PHIP: variants seen among roughly 807,000 people sequenced by gnomAD.
PHIP encodes PHIP subunit of CUL4-Ring ligase complex.
PHIP carries 54 observed loss-of-function variants against 236.8 expected under a neutral mutation model. The observed-to-expected ratio is 0.23, with a 90% CI of 0.18 to 0.29. The LOEUF (loss-of-function observed/expected upper bound fraction) is 0.29, where lower values mean the gene tolerates loss of function less well. PHIP is among the 10% of genes least tolerant of loss of function. The pLI, the probability that PHIP is intolerant of heterozygous loss-of-function variation, is 1.00. For missense variants in PHIP, 1,370 were observed against 2,190.8 expected (o/e 0.63, Z 7.48); for synonymous variants, 756 against 718.9 (o/e 1.05, Z -0.83).
At chr6:79,003,559 G>A (rs1770126633) in intron 16 of PHIP, among the ~76,000 whole-genome samples, 171 bp downstream of exon 16, 1 of 151,828 alleles carries the variant, frequency 6.6e-6, no homozygotes, top group African/African-American at 2.4e-5. Context: ...AGATTTAACT[G>A]CTGTCTTCAC....
intron 36 of PHIP, 39 bp downstream of exon 36, chr6:78,947,584 C>A (rs1773895818): frequency 1.9e-6 from 2 of 1,038,846 alleles, no homozygotes; most frequent in Non-Finnish European, 2.9e-6. Flanking sequence ...ACTCCTCTAA[C>A]TTAATCTAGT....
intron 15 of PHIP, among the ~76,000 whole-genome samples, chr6:79,008,694 T>C (rs1770425551): frequency 6.6e-6 from 1 of 152,160 alleles, no homozygotes; most frequent in Admixed American, 6.5e-5. Flanking sequence ...AAGTAAACTA[T>C]ATACTATAAG....
chr6:79,017,343 T>C lies in PHIP; in HGVS notation c.1136+3A>G. On this transcript the variant is annotated splice_donor_region_variant and intron_variant, in intron 12 of 39. Transcript: ENST00000275034. ...TTAGAATTAAATTAGACAAATATTT[T>C]ACCTGTTACTAGTGTTGGAAAACTG... 1 of 1,471,252 alleles carries C rather than the reference T, an allele frequency of 6.8e-7. No individual in the cohort carries two copies. The highest frequency in any genetic ancestry group is 9.3e-7 in the Non-Finnish European group (1 of 1,076,080). 91.1% of individuals were successfully genotyped at this position (1,471,252 alleles called of 1,614,324 possible).
intron 20 of PHIP, 132 bp from the exon 21 acceptor site, chr6:78,988,481 G>C: frequency 1.7e-6 from 1 of 573,140 alleles, no homozygotes; most frequent in East Asian, 3.1e-5. Flanking sequence ...CCAGCTACTT[G>C]GGAAGATTGC....
At chr6:78,978,755 G>C in intron 23 of PHIP, 44 bp from the exon 24 acceptor site, 1 of 1,481,716 alleles carries the variant, frequency 6.7e-7, no homozygotes, top group South Asian at 1.2e-5. Context: ...AATCAAAAAA[G>C]CATTAATCCA....
chr6:79,031,203 T>C (rs6918296), intron 7 of PHIP, among the ~76,000 whole-genome samples: 140,671 of 152,264 alleles, frequency 0.92, 65,094 homozygotes, highest in East Asian at 1. Flanking sequence ...CTCAGCCTCC[T>C]AAAGTGCTGG....
Position 78,963,270 on chromosome 6 carries a change from A to C in PHIP, c.3380-18T>G. The C allele has an allele frequency of 6.3e-7, 1 of 1,585,978 alleles. No homozygotes were observed. Among genetic ancestry groups the C allele is most frequent in the Non-Finnish European group, 8.6e-7 (1 of 1,167,466 alleles). ...AAATACAGCTGAAATAGAAAAGCAG[A>C]TCATTGCAAATACATGGTAACTTAT... On this transcript the variant is annotated intron_variant, in intron 29 of 39. Transcript: ENST00000275034.
rs560020274 is a variant in PHIP, at chr6:79,014,396, T to C, written c.1524+686A>G. ...CTGAAATAGTGGAAACTGTTTTTTC[T>C]TTTGTTCTTTGTTGAAAGGTATCTC... On this transcript the variant is annotated intron_variant, in intron 15 of 39. Transcript: ENST00000275034. 5.3e-5 allele frequency among the ~76,000 whole-genome samples: 8 copies of C among 151,918 alleles called. No individual in the cohort carries two copies. In the South Asian group the frequency reaches 1.7e-3, roughly 31 times the overall value.
At chr6:78,943,792 G>GCCTGGTCAAAATGGTGAAAT (rs1773640244) in intron 39 of PHIP, among the ~76,000 whole-genome samples, 1 of 151,984 alleles carries the variant, frequency 6.6e-6, no homozygotes, top group Non-Finnish European at 1.5e-5. Context: ...TTTGAGACCA[G>GCCTGGTCAAAATGGTGAAAT]CCTGGTCAAA....
intron 31 of PHIP, 30 bp from the exon 32 acceptor site, chr6:78,958,630 C>T (rs70937072): frequency 7.2e-7 from 1 of 1,380,238 alleles, no homozygotes; most frequent in East Asian, 2.3e-5. Context: ...GAAGTTTTAA[C>T]TTCCTTATAT....
chr6:78,981,653 T>C (rs962204227), intron 23 of PHIP, among the ~76,000 whole-genome samples: 2 of 152,000 alleles, frequency 1.3e-5, no homozygotes, highest in African/African-American at 2.4e-5. Context: ...GGAACTGTTC[T>C]CACAGTAACT....
At chr6:78,948,297 T>C (rs1481671821) in intron 35 of PHIP, among the ~76,000 whole-genome samples, 1 of 152,154 alleles carries the variant, frequency 6.6e-6, no homozygotes, top group Non-Finnish European at 1.5e-5. Context: ...GAATTACGAA[T>C]GTAAATAGTT....
At chr6:78,968,385 C>A (rs192304526) in intron 27 of PHIP, among the ~76,000 whole-genome samples, 19 of 152,192 alleles carry the variant, frequency 1.2e-4, no homozygotes, top group African/African-American at 4.3e-4. Flanking sequence ...CAGATTTGGC[C>A]CTCTGTATTG....
In PHIP at chr6:78,983,924, T is replaced by C. The variant is rs1038877944; in HGVS notation, c.2538-807A>G. Among the ~76,000 whole-genome samples the C allele has an allele frequency of 6.6e-5, 10 of 152,184 alleles. No homozygotes were observed. The South Asian group carries it at 1.2e-3, about 19-fold the overall frequency. On this transcript the variant is annotated intron_variant, in intron 22 of 39. Coordinates refer to ENST00000275034, the MANE Select transcript of PHIP (RefSeq NM_017934.7). ...GAATCTAGTTGTATTATCTTCTATA[T>C]TAATTTTAGTATGTGAGCATATTTA... is the stretch of plus-strand genomic sequence containing the variant.
At chr6:78,965,582 C>G in intron 29 of PHIP, 121 bp downstream of exon 29, 1 of 623,328 alleles carries the variant, frequency 1.6e-6, no homozygotes, top group Non-Finnish European at 2.9e-6. Flanking sequence ...AAATATTTGC[C>G]AAATGAATGT....
At chr6:78,950,749 T>C (rs1774096385) in intron 35 of PHIP, among the ~76,000 whole-genome samples, 1 of 152,170 alleles carries the variant, frequency 6.6e-6, no homozygotes, top group Admixed American at 6.5e-5. Context: ...TGTGTAAATC[T>C]TAACAGAGGC....
In PHIP at chr6:78,990,805, A is replaced by G. The variant is rs1414437839; in HGVS notation, c.2319+63T>C. ...AATACCATGTTAAATTACAAAATGGAGCCTTAAAATGGTCACTATACTTAA... is the reference window on the plus strand; with the variant it reads ...AATACCATGTTAAATTACAAAATGGGGCCTTAAAATGGTCACTATACTTAA... On this transcript the variant is annotated intron_variant, in intron 20 of 39. Transcript: ENST00000275034. The G allele has an allele frequency of 7.4e-6, 6 of 807,570 alleles. No individual in the cohort carries two copies. The Admixed American group carries it at 1.2e-4, about 17-fold the overall frequency. The allele number at this position is 807,570 out of a possible 1,614,324, so 50.0% of individuals were successfully genotyped here.
Position 79,015,780 on chromosome 6 carries a change from T to C in PHIP, c.1239A>G (p.Gln413=), listed in dbSNP as rs1472631910. Residue 413 remains glutamine, a synonymous_variant, in exon 14 of 40, where the codon CAA becomes CAG. Coordinates refer to ENST00000275034, the MANE Select transcript of PHIP (RefSeq NM_017934.7). ...TTTTATCTTCTATTCCTTGAAGGTT[T>C]TGGCTGAAAGTGAGGAAGTGTTTTA... is the stretch of plus-strand genomic sequence containing the variant. ...LLDMATRPAG[Q]NLQGIEDKIT... The C allele has an allele frequency of 5.0e-6, 8 of 1,607,468 alleles. No individual in the cohort carries two copies. In the East Asian group the frequency reaches 8.9e-5, roughly 18 times the overall value.
chr6:78,987,485 A>G (rs572521685), intron 21 of PHIP, among the ~76,000 whole-genome samples: 193 of 152,236 alleles, frequency 1.3e-3, no homozygotes, highest in Non-Finnish European at 2.3e-3. Context: ...GGATAAAGAG[A>G]ATATATTTAG....
Sources: allele counts gnomAD v4.1 joint callset (sites outside exome capture counted in the v4.1 genomes callset), GRCh38; gene constraint gnomAD v4.1.1; transcripts MANE v1.5; gene names NCBI Gene and HGNC (gene_info 2026-07-23, HGNC 2026-07-21).